The following AUTS2 variants were observed in gnomAD, a reference collection of about 807,000 sequenced individuals.
The protein encoded by AUTS2 is autism susceptibility gene 2 protein.
AUTS2 carries 17 observed loss-of-function variants against 112.4 expected under a neutral mutation model. That is an observed-to-expected ratio of 0.15 (90% CI 0.10 to 0.23). The LOEUF (loss-of-function observed/expected upper bound fraction) is 0.23. Ranked by LOEUF, AUTS2 falls within the 10% of genes least tolerant of loss-of-function variation. The pLI is 1.00. For synonymous variants in AUTS2, 751 were observed against 702.7 expected, an observed-to-expected ratio of 1.07 and a Z score of -1.09; for missense variants, 1,510 against 1,701.6, an observed-to-expected ratio of 0.89 and a Z score of 1.98.
chr7:70,278,695 T>C (rs1192639633), intron 4 of AUTS2, among the ~76,000 whole-genome samples: 2 of 152,234 alleles, frequency 1.3e-5, no homozygotes, highest in Non-Finnish European at 2.9e-5. Flanking sequence ...AAATATCAGC[T>C]ATACCTGAAT....
At chr7:70,185,657 C>T (rs1317045467) in intron 4 of AUTS2, among the ~76,000 whole-genome samples, 4 of 152,118 alleles carry the variant, frequency 2.6e-5, no homozygotes, top group Non-Finnish European at 1.5e-5. Context: ...TTTCATTCTA[C>T]TTTTGGAGAT....
At position 70,063,261 on chromosome 7, in the gene AUTS2, G is replaced by GT. The variant is rs762616016; in HGVS notation, c.523-54858dup. Among the ~76,000 whole-genome samples the GT allele has an allele frequency of 6.7e-3, 931 of 138,164 alleles. 6 individuals carry two copies. The highest frequency in any genetic ancestry group is 9.2e-3 in the Non-Finnish European group (579 of 62,978). 90.6% of individuals were successfully genotyped at this position (138,164 alleles called of 152,430 possible). A position where few individuals can be genotyped will look rare whatever the true frequency, so the allele number is the denominator to read the frequency against. ...ACATTGCCGATGGGTTTTGGGTTTT[G>GT]TTTTTTTTTTTTTCCTTCAAAATGG... On this transcript the variant is annotated intron_variant, in intron 2 of 18. Transcript: ENST00000342771.
chr7:69,887,700 A>G (rs1794337623), intron 1 of AUTS2, among the ~76,000 whole-genome samples: 1 of 152,240 alleles, frequency 6.6e-6, no homozygotes. Context: ...GAAGATCTGA[A>G]TAGATTTTCA....
At chr7:70,038,012 G>T (rs571802058) in intron 2 of AUTS2, among the ~76,000 whole-genome samples, 1 of 136,684 alleles carries the variant, frequency 7.3e-6, no homozygotes, top group East Asian at 2.1e-4. Context: ...CCAAGTGAAA[G>T]AGTAGTGAGA....
At chr7:69,879,624 T>A (rs719294) in intron 1 of AUTS2, among the ~76,000 whole-genome samples, 2 of 152,102 alleles carry the variant, frequency 1.3e-5, no homozygotes, top group Admixed American at 1.3e-4. Context: ...TATTAACTTA[T>A]TAAATTCTCA....
chr7:70,380,762 T>G (rs760407733), intron 4 of AUTS2, among the ~76,000 whole-genome samples: 12 of 152,186 alleles, frequency 7.9e-5, no homozygotes, highest in African/African-American at 2.7e-4. Context: ...GGAGCAGAGC[T>G]CCCCTTACTC....
intron 1 of AUTS2, among the ~76,000 whole-genome samples, chr7:69,632,700 G>C (rs1053589060): frequency 1.3e-5 from 2 of 151,524 alleles, no homozygotes; most frequent in African/African-American, 4.9e-5. Flanking sequence ...AGTAGAGCCA[G>C]CTCACGTTTG....
At chr7:69,704,973 C>G (rs1159725575) in intron 1 of AUTS2, among the ~76,000 whole-genome samples, 2 of 152,050 alleles carry the variant, frequency 1.3e-5, no homozygotes, top group Non-Finnish European at 2.9e-5. Context: ...CTCAAGTGAT[C>G]CTCTCACCTC....
Position 70,790,224 on chromosome 7 carries a change from C to G in AUTS2, c.3008C>G (p.Ser1003Trp), listed in dbSNP as rs543645962. ...GAGGCCCCGCAGACCCACCGGGCCT[C>G]GGAGCCGCCGCCTCCCAACTCCTCG... The part of the protein sequence containing the change: ...PPEAPQTHRA[S>W]EPPPPNSSSS... The change falls in exon 19 of 19, where the codon TCG becomes TGG. Residue 1003 changes from serine (S) to tryptophan (W), a missense_variant. By Grantham distance (177) the Ser-to-Trp change is radical (BLOSUM62 -3). Around this residue, in one of 3 missense-constraint regions of AUTS2, gnomAD observed 788 missense variants for 797.6 expected, o/e 0.99. Coordinates refer to ENST00000342771, the MANE Select transcript of AUTS2 (RefSeq NM_015570.4). The surrounding 1 kb of genome is among the most constrained non-coding windows in gnomAD (Gnocchi z 7.6). 7.4e-6 allele frequency: 12 copies of G among 1,612,354 alleles called. No homozygotes were observed. The highest frequency in any genetic ancestry group is 1.7e-5 in the Admixed American group (1 of 59,964).
At chr7:69,607,553 A>G (rs1376096147) in intron 1 of AUTS2, among the ~76,000 whole-genome samples, 2 of 152,194 alleles carry the variant, frequency 1.3e-5, no homozygotes, top group Non-Finnish European at 2.9e-5. Context: ...TTTCTTGGCC[A>G]TTACAGCTCA....
chr7:69,907,261 T>A (rs1795184046), intron 2 of AUTS2, among the ~76,000 whole-genome samples: 1 of 152,348 alleles, frequency 6.6e-6, no homozygotes, highest in East Asian at 1.9e-4. Context: ...TGCTGACATC[T>A]TGTAGTGTTC....
intron 3 of AUTS2, among the ~76,000 whole-genome samples, chr7:70,130,545 G>A (rs994660771): frequency 6.6e-6 from 1 of 152,106 alleles, no homozygotes; most frequent in Non-Finnish European, 1.5e-5. Context: ...TCTTTCAACT[G>A]TGCATCCCAT....
At chr7:69,981,025 T>C (rs1798275687) in intron 2 of AUTS2, among the ~76,000 whole-genome samples, 1 of 152,212 alleles carries the variant, frequency 6.6e-6, no homozygotes, top group Non-Finnish European at 1.5e-5. Flanking sequence ...CCAGTCTTTC[T>C]ATAGTCAGTT....
intron 3 of AUTS2, among the ~76,000 whole-genome samples, chr7:70,122,330 AT>A (rs1000574659): frequency 1.2e-4 from 18 of 152,338 alleles, no homozygotes; most frequent in African/African-American, 4.3e-4. Context: ...CAATTAAAAA[AT>A]GATCTGTTAA....
chr7:69,749,750 A>G (rs1048531964), intron 1 of AUTS2, among the ~76,000 whole-genome samples: 30 of 152,198 alleles, frequency 2.0e-4, no homozygotes, highest in Non-Finnish European at 4.1e-4. Context: ...CTCTGCTGCC[A>G]TGTTGACAAA....
intron 2 of AUTS2, among the ~76,000 whole-genome samples, chr7:70,025,441 TTTTG>T (rs1470375649): frequency 6.6e-6 from 1 of 151,728 alleles, no homozygotes; most frequent in Non-Finnish European, 1.5e-5. Flanking sequence ...TACATACTTT[TTTTG>T]TTTCCTTTTT....
chr7:70,174,215 T>C (rs958973070), intron 4 of AUTS2, among the ~76,000 whole-genome samples: 3 of 152,214 alleles, frequency 2.0e-5, no homozygotes, highest in African/African-American at 7.2e-5. Flanking sequence ...GGAGTCTTGA[T>C]GGGAGATGAA....
Position 70,520,189 on chromosome 7 carries a change from ATAAG to A in AUTS2, c.690+84411_690+84414del, listed in dbSNP as rs375124050. Among the ~76,000 whole-genome samples the A allele has an allele frequency of 2.5e-3, 386 of 152,280 alleles. 20 individuals are homozygous for A. The South Asian group carries it at 0.072, about 28-fold the overall frequency. ...AAATTCAAAGGAATGTTTTTTAAAAATAAGTATTATCAAGTCTTGTTCTCTCTCT... is the reference window on the plus strand; with the variant it reads ...AAATTCAAAGGAATGTTTTTTAAAAATATTATCAAGTCTTGTTCTCTCTCT... On this transcript the variant is annotated intron_variant, in intron 5 of 18. Transcript: ENST00000342771.
Position 70,761,165 on chromosome 7 carries a change from G to A in AUTS2, c.743-1705G>A, listed in dbSNP as rs369866219. On this transcript the variant is annotated intron_variant, in intron 6 of 18. Transcript: ENST00000342771. Reference sequence around the variant, plus strand: ...GTACGTAAACAGAAATATGTAAGCCGGGCACAGTGCAGGCACCTCTAATCC... The same window carrying A: ...GTACGTAAACAGAAATATGTAAGCCAGGCACAGTGCAGGCACCTCTAATCC... 2.7e-4 allele frequency among the ~76,000 whole-genome samples: 41 copies of A among 152,230 alleles called. 1 individual carries two copies. In the South Asian group the frequency reaches 7.5e-3, roughly 28 times the overall value.
Sources: allele counts gnomAD v4.1 joint callset (sites outside exome capture counted in the v4.1 genomes callset), GRCh38; gene constraint gnomAD v4.1.1; regional missense constraint gnomAD v4.1.1; non-coding constraint Gnocchi (gnomAD v3.1); transcripts MANE v1.5; gene names NCBI Gene and HGNC (gene_info 2026-07-23, HGNC 2026-07-21).